GPHN: variants seen among roughly 807,000 people sequenced by gnomAD.
GPHN encodes gephyrin.
A neutral mutation model predicts 95.5 loss-of-function variants in GPHN; 17 were observed. The ratio of observed to expected loss-of-function variants is 0.18; its 90% confidence interval spans 0.12 to 0.27. The LOEUF is 0.27. Ranked by LOEUF, GPHN falls within the 10% of genes least tolerant of loss-of-function variation. The pLI is 1.00. For synonymous variants in GPHN, 320 were observed against 322.5 expected, an observed-to-expected ratio of 0.99 and a Z score of 0.08; for missense variants, 660 against 978.1, an observed-to-expected ratio of 0.67 and a Z score of 4.34.
chr14:66,535,063 G>T (rs890156779), intron 1 of GPHN, among the ~76,000 whole-genome samples: 2 of 151,994 alleles, frequency 1.3e-5, no homozygotes, highest in African/African-American at 4.8e-5. Context: ...CCTATTACAG[G>T]ATCATGAAAA....
the GPHN span, among the ~76,000 whole-genome samples, chr14:67,203,735 T>C: frequency 6.6e-6 from 1 of 152,236 alleles, no homozygotes; most frequent in Non-Finnish European, 1.5e-5. Flanking sequence ...GTTTTTGAGA[T>C]GGAGTCTTGC....
intron 5 of GPHN, among the ~76,000 whole-genome samples, chr14:66,907,440 T>C (rs1198545634): frequency 1.3e-5 from 2 of 152,148 alleles, no homozygotes; most frequent in South Asian, 2.1e-4. Flanking sequence ...TATAGGTGAA[T>C]GGATAAAGCT....
At chr14:67,255,135 G>A in the GPHN span, among the ~76,000 whole-genome samples, 5 of 151,834 alleles carry the variant, frequency 3.3e-5, no homozygotes, top group Non-Finnish European at 5.9e-5. Context: ...GCAACAGAGC[G>A]AGACTCCATC....
chr14:66,728,923 A>G (rs1273110803), intron 2 of GPHN, among the ~76,000 whole-genome samples: 1 of 152,192 alleles, frequency 6.6e-6, no homozygotes, highest in Non-Finnish European at 1.5e-5. Context: ...CCCAGATCTC[A>G]TCTTGAATTT....
intron 2 of GPHN, among the ~76,000 whole-genome samples, chr14:66,690,681 G>T (rs529467897): frequency 2.0e-5 from 3 of 152,294 alleles, no homozygotes; most frequent in African/African-American, 7.2e-5. Context: ...ATATCTGGGT[G>T]CTCCAATGTT....
intron 1 of GPHN, among the ~76,000 whole-genome samples, chr14:66,611,369 T>C (rs1275070854): frequency 6.6e-6 from 1 of 152,136 alleles, no homozygotes; most frequent in Non-Finnish European, 1.5e-5. Context: ...TAAGATACCC[T>C]TAACACTGAT....
chr14:67,441,430 A>G, the GPHN span, among the ~76,000 whole-genome samples: 1 of 152,172 alleles, frequency 6.6e-6, no homozygotes, highest in African/African-American at 2.4e-5. Flanking sequence ...CCAGTGAACC[A>G]CTGTGTGGGC....
the GPHN span, among the ~76,000 whole-genome samples, chr14:67,558,070 C>G: frequency 6.6e-6 from 1 of 152,214 alleles, no homozygotes. Context: ...AGCATTTCAG[C>G]TCCACTTGGC....
intron 2 of GPHN, among the ~76,000 whole-genome samples, chr14:66,716,066 G>A (rs1190823322): frequency 1.3e-5 from 2 of 152,008 alleles, no homozygotes; most frequent in Non-Finnish European, 2.9e-5. Flanking sequence ...TTGACTTTCT[G>A]TCTTGATGAC....
the GPHN span, among the ~76,000 whole-genome samples, chr14:67,499,996 T>C: frequency 6.6e-6 from 1 of 152,090 alleles, no homozygotes; most frequent in Non-Finnish European, 1.5e-5. Flanking sequence ...GCTCTACCAT[T>C]GATACTTGTA....
At chr14:66,676,053 C>CATATAT (rs201617791) in intron 1 of GPHN, among the ~76,000 whole-genome samples, 4 of 151,564 alleles carry the variant, frequency 2.6e-5, no homozygotes, top group African/African-American at 9.7e-5. Context: ...TTGTTACACA[C>CATATAT]ACATATATAT....
At chr14:67,036,531 A>G (rs935550948) in intron 10 of GPHN, among the ~76,000 whole-genome samples, 22 of 151,244 alleles carry the variant, frequency 1.5e-4, no homozygotes, top group Non-Finnish European at 2.7e-4. Context: ...ACACACACAC[A>G]CACACACACA....
chr14:66,814,345 C>T (rs897942772), intron 3 of GPHN, among the ~76,000 whole-genome samples: 1 of 152,202 alleles, frequency 6.6e-6, no homozygotes, highest in African/African-American at 2.4e-5. Context: ...GGCCCCCCAT[C>T]CCCCACCAGC....
the GPHN span, among the ~76,000 whole-genome samples, chr14:67,262,686 A>C: frequency 6.6e-6 from 1 of 152,128 alleles, no homozygotes; most frequent in Non-Finnish European, 1.5e-5. Flanking sequence ...GTTCTTTTCT[A>C]ACTCAGAAAC....
the GPHN span, among the ~76,000 whole-genome samples, chr14:67,479,600 C>A: frequency 1.3e-5 from 2 of 152,074 alleles, no homozygotes; most frequent in African/African-American, 4.8e-5. Flanking sequence ...CACCTGTAAT[C>A]CCAGCTACTC....
At chr14:67,691,599 T>C in the GPHN span, 7 of 196,874 alleles carry the variant, frequency 3.6e-5, no homozygotes, top group East Asian at 8.3e-4. Flanking sequence ...ATGTTCTCTA[T>C]GTACCTCTGC....
chr14:67,465,680 T>C, the GPHN span, among the ~76,000 whole-genome samples: 1 of 152,210 alleles, frequency 6.6e-6, no homozygotes, highest in African/African-American at 2.4e-5. Context: ...TCGACCCCTA[T>C]ACTGGGTTGA....
At chr14:67,208,569 T>C in the GPHN span, 26 of 1,052,666 alleles carry the variant, frequency 2.5e-5, no homozygotes, top group Non-Finnish European at 3.1e-5. Flanking sequence ...ACAGATGTAG[T>C]GTAACTGAAT....
chr14:67,439,568 T>G, the GPHN span, among the ~76,000 whole-genome samples: 3 of 141,192 alleles, frequency 2.1e-5, no homozygotes, highest in Admixed American at 1.4e-4. Context: ...TTTCTTTCTT[T>G]CTTTCTTTCT....
Sources: gnomAD v4.1 joint callset for allele counts (sites outside exome capture counted in the v4.1 genomes callset) on GRCh38, gnomAD v4.1.1 for gene constraint, MANE v1.5 for transcripts, NCBI Gene and HGNC (gene_info 2026-07-23, HGNC 2026-07-21) for gene names.